HOXA3: variants seen among roughly 807,000 people sequenced by gnomAD.
HOXA3 encodes the protein homeobox protein Hox-A3.
HOXA3 carries 8 observed loss-of-function variants against 30.3 expected under a neutral mutation model. The observed-to-expected ratio is 0.26, with a 90% CI of 0.15 to 0.48. HOXA3 has a LOEUF of 0.48. HOXA3 is among the 20% of genes least tolerant of loss of function. The pLI is 0.99. For synonymous variants in HOXA3, 323 were observed against 273.1 expected, an observed-to-expected ratio of 1.18 and a Z score of -1.80; for missense variants, 653 against 614.4, an observed-to-expected ratio of 1.06 and a Z score of -0.66.
At chr7:27,151,370 C>A (rs963112897) in intron 1 of HOXA3, 2 of 339,700 alleles carry the variant, frequency 5.9e-6, no homozygotes, top group African/African-American at 4.3e-5. Flanking sequence ...ATCCTCTCCC[C>A]GCTCGCGGAA....
At chr7:27,117,248 CTT>C (rs1191408699) in intron 4 of HOXA3, among the ~76,000 whole-genome samples, 2 of 152,206 alleles carry the variant, frequency 1.3e-5, no homozygotes, top group African/African-American at 4.8e-5. Flanking sequence ...CCTGAGGACT[CTT>C]GTCTCTGGAC....
chr7:27,117,343 G>A (rs376322769), intron 4 of HOXA3, among the ~76,000 whole-genome samples: 37 of 152,262 alleles, frequency 2.4e-4, no homozygotes, highest in African/African-American at 8.9e-4. Flanking sequence ...CAGACCAGGC[G>A]CACTGATGAA....
chr7:27,143,299 G>T, intron 1 of HOXA3: 1 of 1,602,000 alleles, frequency 6.2e-7, no homozygotes, highest in Non-Finnish European at 8.5e-7. Flanking sequence ...CCACGGCGGA[G>T]CAGGGCAGCG....
intron 1 of HOXA3, chr7:27,143,201 T>C: frequency 6.2e-7 from 1 of 1,611,192 alleles, no homozygotes; most frequent in Non-Finnish European, 8.5e-7. Context: ...GCTGCTGATG[T>C]GGGTGCTGCC....
chr7:27,144,823 G>A (rs1301511572), intron 1 of HOXA3, among the ~76,000 whole-genome samples: 1 of 152,226 alleles, frequency 6.6e-6, no homozygotes, highest in Non-Finnish European at 1.5e-5. Context: ...GAGGCCCGGC[G>A]TTGCAGGCGC....
intron 1 of HOXA3, chr7:27,145,915 C>T (rs1782743810): frequency 6.2e-7 from 1 of 1,612,074 alleles, no homozygotes; most frequent in Admixed American, 1.7e-5. Flanking sequence ...CCATACACAG[C>T]ACCTACGAGC....
chr7:27,130,899 A>G, intron 2 of HOXA3: 1 of 606,628 alleles, frequency 1.6e-6, no homozygotes, highest in East Asian at 3.2e-5. Context: ...AGACGCCGCC[A>G]CCAAAGTTCG....
intron 1 of HOXA3, chr7:27,147,306 AC>A (rs1432586796): frequency 1.9e-6 from 3 of 1,611,396 alleles, no homozygotes; most frequent in African/African-American, 1.3e-5. Context: ...GATATGTCTT[AC>A]CCGCGCAGGA....
At chr7:27,120,916 C>T (rs1784974523) in intron 4 of HOXA3, 1 of 152,220 alleles carries the variant, frequency 6.6e-6, no homozygotes, top group South Asian at 2.1e-4. Context: ...CTTTTAAAAA[C>T]CCAGCTGCCA....
chr7:27,137,948 C>T (rs764699183), intron 2 of HOXA3, among the ~76,000 whole-genome samples: 1 of 152,028 alleles, frequency 6.6e-6, no homozygotes, highest in Non-Finnish European at 1.5e-5. Context: ...GAATCCCCGT[C>T]ACTCTTTTTT....
chr7:27,150,445 A>G, intron 1 of HOXA3: 1 of 152,592 alleles, frequency 6.6e-6, no homozygotes, highest in Non-Finnish European at 1.5e-5. Flanking sequence ...GGGACCTTGA[A>G]GGCCACCTCG....
In HOXA3 at chr7:27,107,391, G is replaced by C. The variant is rs527845187; in HGVS notation, c.*524C>G. ...CTTGCAAAAAAATATAAATAAATCT[G>C]ACTGTTCACCAGCATACACACACGG... On this transcript the variant is annotated 3_prime_UTR_variant, in exon 6 of 6. Transcript: ENST00000612286. 6.6e-6 allele frequency: 1 copy of C among 152,094 alleles called. No homozygotes were observed. Among genetic ancestry groups the C allele is most frequent in the African/African-American group, 2.4e-5 (1 of 41,474 alleles). The allele number at this position is 152,094 out of a possible 1,614,324, so 9.4% of individuals were successfully genotyped here.
chr7:27,108,595 G>C lies in HOXA3; in HGVS notation c.652C>G (p.Arg218Gly). 3.1e-6 allele frequency: 5 copies of C among 1,614,156 alleles called. No homozygotes were observed. Among genetic ancestry groups the C allele is most frequent in the Non-Finnish European group, 4.2e-6 (5 of 1,179,994 alleles). ...TTGGCCATCTCCACCCGGCGCGGCCGGCACAGGTAGCGGTTGAAGTGGAAC... is the reference window on the plus strand; with the variant it reads ...TTGGCCATCTCCACCCGGCGCGGCCCGCACAGGTAGCGGTTGAAGTGGAAC... ...KEFHFNRYLC[R>G]PRRVEMANLL... Residue 218 changes from arginine to glycine, a missense_variant, in exon 6 of 6, where the codon CGG (arginine) becomes GGG (glycine). By Grantham distance (125) the Arg-to-Gly change is moderately radical (BLOSUM62 -2). This residue lies in a region of HOXA3 where 320 missense variants were observed against 321.9 expected (regional missense o/e 0.99). Transcript: ENST00000612286. The surrounding 1 kb of genome is among the most constrained non-coding windows in gnomAD (Gnocchi z 5.0).
chr7:27,125,202 A>G (rs1326039086), intron 3 of HOXA3, among the ~76,000 whole-genome samples: 3 of 152,260 alleles, frequency 2.0e-5, no homozygotes, highest in Non-Finnish European at 4.4e-5. Flanking sequence ...TAAAGGTTGC[A>G]TTCCACCCTC....
intron 1 of HOXA3, among the ~76,000 whole-genome samples, chr7:27,142,339 T>G (rs1403666425): frequency 6.6e-6 from 1 of 152,122 alleles, no homozygotes; most frequent in African/African-American, 2.4e-5. Flanking sequence ...CCCTGGCCCC[T>G]CTCCTGCCCC....
chr7:27,145,510 G>A (rs1782726594), intron 1 of HOXA3: 1 of 891,580 alleles, frequency 1.1e-6, no homozygotes, highest in South Asian at 1.6e-5. Flanking sequence ...AGAAATAAAT[G>A]CACAGACGCT....
intron 4 of HOXA3, chr7:27,121,929 C>G (rs868145955): frequency 6.5e-6 from 1 of 152,894 alleles, no homozygotes; most frequent in Non-Finnish European, 1.5e-5. Flanking sequence ...GAAAAGGAAA[C>G]GCCAAGACAT....
intron 2 of HOXA3, chr7:27,130,542 G>T (rs1324118880): frequency 4.4e-6 from 6 of 1,374,864 alleles, no homozygotes; most frequent in Non-Finnish European, 5.7e-6. Context: ...CTCGGCCGCC[G>T]CCCGCGTGAG....
intron 1 of HOXA3, chr7:27,147,019 C>G: frequency 2.0e-6 from 1 of 489,776 alleles, no homozygotes; most frequent in South Asian, 3.5e-5. Flanking sequence ...ACCAGCCTCT[C>G]TCTCTCTTCA....
Sources: gnomAD v4.1 joint callset for allele counts (sites outside exome capture counted in the v4.1 genomes callset) on GRCh38, gnomAD v4.1.1 for gene constraint, gnomAD v4.1.1 regional missense constraint, Gnocchi (gnomAD v3.1) non-coding constraint, MANE v1.5 for transcripts, NCBI Gene and HGNC (gene_info 2026-07-23, HGNC 2026-07-21) for gene names.